SOD1: variants seen among roughly 807,000 people sequenced by gnomAD.
The protein encoded by SOD1 is superoxide dismutase [Cu-Zn].
Under a neutral mutation model 15.9 loss-of-function variants are expected in SOD1, and 8 were observed. That is an observed-to-expected ratio of 0.50 (90% CI 0.30 to 0.91). The LOEUF is 0.91. Ranked by LOEUF, SOD1 falls within the 40% of genes least tolerant of loss-of-function variation. The pLI, the probability that SOD1 is intolerant of heterozygous loss-of-function variation, is 0.07. For synonymous variants in SOD1, 86 were observed against 71.2 expected, an observed-to-expected ratio of 1.21 and a Z score of -1.04; for missense variants, 137 against 194.5, an observed-to-expected ratio of 0.70 and a Z score of 1.76.
intron 2 of SOD1, chr21:31,664,211 G>A (rs542566256): frequency 2.9e-6 from 1 of 344,410 alleles, no homozygotes; most frequent in African/African-American, 2.1e-5. Flanking sequence ...GGGCTCAAGT[G>A]GTCTATCCTC....
chr21:31,667,720 C>A (rs1198251801), intron 4 of SOD1, among the ~76,000 whole-genome samples: 1 of 152,118 alleles, frequency 6.6e-6, no homozygotes. Context: ...AAGTTTAAAA[C>A]CTGGGATGGA....
At chr21:31,667,049 T>C in intron 3 of SOD1, 1 of 608,040 alleles carries the variant, frequency 1.6e-6, no homozygotes, top group South Asian at 1.9e-5. Context: ...GTTTACCCTT[T>C]GGTACTTCTG....
At chr21:31,668,363 A>T (rs1461147868) in intron 4 of SOD1, 108 bp from the exon 5 acceptor site, 1 of 774,726 alleles carries the variant, frequency 1.3e-6, no homozygotes, top group African/African-American at 1.7e-5. Flanking sequence ...ACTAGGATTA[A>T]TGTTATTTTT....
At chr21:31,661,605 A>C (rs1038585493) in intron 1 of SOD1, 1 of 152,122 alleles carries the variant, frequency 6.6e-6, no homozygotes, top group Non-Finnish European at 1.5e-5. Context: ...GTCGTGATCC[A>C]CCCGCCTCGG....
chr21:31,663,268 A>C (rs555160035), intron 1 of SOD1, among the ~76,000 whole-genome samples: 64 of 151,016 alleles, frequency 4.2e-4, no homozygotes, highest in Non-Finnish European at 8.0e-4. Context: ...TGAACCCGGG[A>C]GGCGGAGCTT....
rs1601160003 is a variant in SOD1, at chr21:31,668,889, C to T, written c.*311C>T. ...GCCTGTGAATAAAAACCCTGTATGG[C>T]ACTTATTATGAGGCTATTAAAAGAA... is the stretch of plus-strand genomic sequence containing the variant. On this transcript the variant is annotated 3_prime_UTR_variant, in exon 5 of 5. Transcript: ENST00000270142. The T allele has an allele frequency of 1.2e-5, 4 of 337,524 alleles. No individual in the cohort carries two copies. The highest frequency in any genetic ancestry group is 6.6e-5 in the East Asian group (1 of 15,242). 20.9% of individuals were successfully genotyped at this position (337,524 alleles called of 1,614,324 possible).
intron 1 of SOD1, 157 bp downstream of exon 1, chr21:31,659,998 A>G (rs1335181102): frequency 1.6e-6 from 1 of 629,884 alleles, no homozygotes; most frequent in Non-Finnish European, 2.6e-6. Flanking sequence ...CTTCGCCCCC[A>G]GCGGTGCGGT....
Position 31,666,483 on chromosome 21 carries a change from A to G in SOD1, c.204A>G (p.Leu68=). The change falls in exon 3 of 5, where the codon CTA becomes CTG. Residue 68 remains leucine (L), a synonymous_variant. Coordinates refer to ENST00000270142, the MANE Select transcript of SOD1 (RefSeq NM_000454.5). The stretch of plus-strand genomic sequence containing the variant: ...GTGCAGGTCCTCACTTTAATCCTCT[A>G]TCCAGAAAACACGGTGGGCCAAAGG... The part of the protein sequence containing the change: ...CTSAGPHFNP[L]SRKHGGPKDE... 6.2e-7 allele frequency: 1 copy of G among 1,613,080 alleles called. No individual in the cohort carries two copies. The highest frequency in any genetic ancestry group is 8.5e-7 in the Non-Finnish European group (1 of 1,179,216).
At position 31,668,506 on chromosome 21, in the gene SOD1, A is replaced by G. The variant is rs566007659; in HGVS notation, c.393A>G (p.Gly131=). 1 of 1,613,996 alleles carries G rather than the reference A, an allele frequency of 6.2e-7. No homozygotes were observed. Among genetic ancestry groups the G allele is most frequent in the Admixed American group, 1.7e-5 (1 of 60,030 alleles). ...AAGCAGATGACTTGGGCAAAGGTGG[A>G]AATGAAGAAAGTACAAAGACAGGAA... ...HEKADDLGKG[G]NEESTKTGNA... The change falls in exon 5 of 5, where the codon GGA becomes GGG. Residue 131 remains glycine (G), a synonymous_variant. Coordinates refer to ENST00000270142, the MANE Select transcript of SOD1 (RefSeq NM_000454.5).
intron 2 of SOD1, among the ~76,000 whole-genome samples, chr21:31,664,096 C>T (rs985775241): frequency 2.6e-5 from 4 of 152,092 alleles, no homozygotes; most frequent in Non-Finnish European, 4.4e-5. Context: ...CATGCCTTGG[C>T]CCGTAGCTGG....
intron 2 of SOD1, chr21:31,664,528 C>T (rs1041822133): frequency 1.3e-5 from 2 of 154,732 alleles, no homozygotes; most frequent in Non-Finnish European, 1.4e-5. Context: ...TAAGATTAGC[C>T]ACAAAACTGG....
At position 31,666,504 on chromosome 21, in the gene SOD1, A is replaced by G; in HGVS notation, c.225A>G (p.Pro75=). The part of the protein sequence containing the change: ...FNPLSRKHGG[P]KDEERHVGDL... ...CTCTATCCAGAAAACACGGTGGGCC[A>G]AAGGATGAAGAGAGGTAACAAGATG... The change falls in exon 3 of 5, where the codon CCA becomes CCG. Residue 75 remains proline (P), a synonymous_variant. Transcript: ENST00000270142. 1 of 1,611,906 alleles carries G rather than the reference A, an allele frequency of 6.2e-7. No individual in the cohort carries two copies. The highest frequency in any genetic ancestry group is 1.3e-5 in the African/African-American group (1 of 75,018).
In SOD1 at chr21:31,664,004, C is replaced by T. The variant is rs1274797539; in HGVS notation, c.169+118C>T. ...TTTTTGTTTTTGAGAAAGGGTCTTG[C>T]TCTGTCGCTCAGGCTGGAGTGCAGT... On this transcript the variant is annotated intron_variant, in intron 2 of 4. Coordinates refer to ENST00000270142, the MANE Select transcript of SOD1 (RefSeq NM_000454.5). 4.0e-6 allele frequency: 3 copies of T among 757,986 alleles called. No individual in the cohort carries two copies. The African/African-American group carries it at 5.1e-5, about 13-fold the overall frequency. 47.0% of individuals were successfully genotyped at this position (757,986 alleles called of 1,614,324 possible). A position where few individuals can be genotyped will look rare whatever the true frequency, so the allele number is the denominator to read the frequency against.
intron 1 of SOD1, among the ~76,000 whole-genome samples, chr21:31,662,731 A>G (rs989830742): frequency 6.6e-6 from 1 of 152,118 alleles, no homozygotes; most frequent in Non-Finnish European, 1.5e-5. Context: ...AATACCTGTG[A>G]TAGCCGGGCG....
At chr21:31,659,899 C>G in intron 1 of SOD1, 58 bp downstream of exon 1, 1 of 1,562,620 alleles carries the variant, frequency 6.4e-7, no homozygotes, top group Non-Finnish European at 8.8e-7. Context: ...CGTCCCCCCG[C>G]GCACCTTTGC....
intron 4 of SOD1, among the ~76,000 whole-genome samples, 195 bp from the exon 5 acceptor site, chr21:31,668,276 A>G (rs1450561920): frequency 2.6e-5 from 4 of 152,154 alleles, no homozygotes; most frequent in African/African-American, 9.7e-5. Context: ...TTTAAAGGTA[A>G]TGTCTTTGCA....
rs749831011 is a variant in SOD1 at position 31,667,282 on chromosome 21, G to T, written c.264G>T (p.Val88=). The change falls in exon 4 of 5, where the codon GTG becomes GTT. Residue 88 remains valine, a synonymous_variant. Coordinates refer to ENST00000270142, the MANE Select transcript of SOD1 (RefSeq NM_000454.5). ...GGCATGTTGGAGACTTGGGCAATGT[G>T]ACTGCTGACAAAGATGGTGTGGCCG... is the stretch of plus-strand genomic sequence containing the variant. The part of the protein sequence containing the change: ...EERHVGDLGN[V]TADKDGVADV... The T allele has an allele frequency of 1.2e-6, 2 of 1,613,928 alleles. No homozygotes were observed. The highest frequency in any genetic ancestry group is 2.7e-5 in the African/African-American group (2 of 74,938).
In SOD1 at chr21:31,665,972, T is replaced by G. The variant is rs1296605722; in HGVS notation, c.170-477T>G. Reference sequence around the variant, plus strand: ...GACAGTAGTTAGAACTTGGTGGGGTTTTTTTTTTTTTTTTTTTGAGATGGA... The same window carrying G: ...GACAGTAGTTAGAACTTGGTGGGGTGTTTTTTTTTTTTTTTTTGAGATGGA... On this transcript the variant is annotated intron_variant, in intron 2 of 4. Transcript: ENST00000270142. Among the ~76,000 whole-genome samples, 4 of 84,412 alleles carry G rather than the reference T, an allele frequency of 4.7e-5. No individual in the cohort carries two copies. The South Asian group carries it at 1.2e-3, about 26-fold the overall frequency. 55.4% of individuals were successfully genotyped at this position (84,412 alleles called of 152,430 possible). A position where few individuals can be genotyped will look rare whatever the true frequency, so the allele number is the denominator to read the frequency against.
rs1045558292 is a variant in SOD1, at chr21:31,667,474, A to G, written c.357+99A>G. 1.9e-5 allele frequency: 17 copies of G among 906,936 alleles called. No individual in the cohort carries two copies. The Middle Eastern group carries it at 7.5e-4, about 40-fold the overall frequency. 56.2% of individuals were successfully genotyped at this position (906,936 alleles called of 1,614,324 possible). On this transcript the variant is annotated intron_variant, in intron 4 of 4. Coordinates refer to ENST00000270142, the MANE Select transcript of SOD1 (RefSeq NM_000454.5). ...AGTCGCGGTTTCTAAAGATCCAGAT[A>G]AACTGTACTTGCAGTTCAAATTAGG...
Sources: gnomAD v4.1 joint callset for allele counts (sites outside exome capture counted in the v4.1 genomes callset) on GRCh38, gnomAD v4.1.1 for gene constraint, MANE v1.5 for transcripts, NCBI Gene and HGNC (gene_info 2026-07-23, HGNC 2026-07-21) for gene names.